The following INTS1 variants were observed in gnomAD, a reference collection of about 807,000 sequenced individuals.
INTS1 encodes integrator complex subunit 1.
In INTS1, 137 loss-of-function variants were observed where a neutral mutation model predicts 241.6. The observed-to-expected ratio is 0.57, with a 90% CI of 0.49 to 0.65. INTS1 has a LOEUF of 0.65. Ranked by LOEUF, INTS1 falls within the 30% of genes least tolerant of loss-of-function variation. The probability of loss-of-function intolerance (pLI) is 0.00; values close to 1 mark genes in which losing one functional copy is unlikely to be tolerated. For missense variants in INTS1, 3,073 were observed against 3,032.2 expected, an observed-to-expected ratio of 1.01 and a Z score of -0.32; for synonymous variants, 1,692 against 1,337.8, an observed-to-expected ratio of 1.26 and a Z score of -5.78.
At position 1,478,896 on chromosome 7, in the gene INTS1, A is replaced by G. The variant is rs764889422; in HGVS notation, c.4330-11T>C. ...CTGTGGCACACAGCGCTGCGGGGAC[A>G]AAGTGGCACGTGGCTACCCTGGCAG... On this transcript the variant is annotated splice_polypyrimidine_tract_variant and intron_variant, in intron 31 of 47. Transcript: ENST00000404767. 1 of 1,589,972 alleles carries G rather than the reference A, an allele frequency of 6.3e-7. No individual in the cohort carries two copies. The highest frequency in any genetic ancestry group is 1.3e-5 in the African/African-American group (1 of 74,534).
In INTS1 at chr7:1,502,898, T is replaced by C. The variant is rs553550858; in HGVS notation, c.349+3A>G. The stretch of plus-strand genomic sequence containing the variant: ...TCTCGGGGGATGTCCACAGACTCAT[T>C]ACCTTCAATTGGCACCACAGATGGC... On this transcript the variant is annotated splice_donor_region_variant and intron_variant, in intron 3 of 47. Transcript: ENST00000404767. 1.9e-6 allele frequency: 3 copies of C among 1,613,516 alleles called. No individual in the cohort carries two copies. Among genetic ancestry groups the C allele is most frequent in the Non-Finnish European group, 2.5e-6 (3 of 1,179,796 alleles).
rs1562502884 is a variant in INTS1 at position 1,486,964 on chromosome 7, GTCC to G, written c.2781_2783del (p.Glu927del). The G allele has an allele frequency of 3.1e-6, 5 of 1,607,830 alleles. No homozygotes were observed. The highest frequency in any genetic ancestry group is 2.5e-6 in the Non-Finnish European group (3 of 1,179,282). On this transcript the variant is annotated inframe_deletion, in exon 21 of 48. Transcript: ENST00000404767. ...TCTGCTCCTTGCTCTCGCCCTCGTC[GTCC>G]TCCTCCCCGGAAGCAGCATCGTCCA...
At chr7:1,478,946 G>C in intron 31 of INTS1, 61 bp from the exon 32 acceptor site, 1 of 1,528,662 alleles carries the variant, frequency 6.5e-7, no homozygotes, top group Non-Finnish European at 8.8e-7. Flanking sequence ...CCCGGCACCC[G>C]AGGCCCAGAG....
chr7:1,472,501 C>T, intron 43 of INTS1, 115 bp from the exon 44 acceptor site: 3 of 688,866 alleles, frequency 4.4e-6, no homozygotes, highest in South Asian at 3.8e-5. Context: ...TCCCAAGGTG[C>T]CTGCACACAG....
chr7:1,482,378 A>G (rs1199630509), intron 27 of INTS1, 168 bp downstream of exon 27: 4 of 611,354 alleles, frequency 6.5e-6, no homozygotes, highest in Admixed American at 6.8e-5. Context: ...CCCAGGGTCC[A>G]GCACAGCCTG....
In INTS1 at chr7:1,493,663, AGCGCCCCAGAGGTGCGT is replaced by A. The variant is rs1782700506; in HGVS notation, c.2068+74_2068+90del. The A allele has an allele frequency of 6.3e-6, 9 of 1,433,382 alleles. No homozygotes were observed. The South Asian group carries it at 1.0e-4, about 16-fold the overall frequency. 88.8% of individuals were successfully genotyped at this position (1,433,382 alleles called of 1,614,324 possible). On this transcript the variant is annotated intron_variant, in intron 15 of 47. Transcript: ENST00000404767. The surrounding 1 kb of genome is among the most constrained non-coding windows in gnomAD (Gnocchi z 5.3). ...ACCCAGCTGAAGCGCAGCTTTGTGG[AGCGCCCCAGAGGTGCGT>A]GCCAGAGCCGGGGTTTCTGCAGGGA... is the stretch of plus-strand genomic sequence containing the variant.
chr7:1,494,968 ACCCCGCTCCCACGGGCC>A lies in INTS1; in HGVS notation c.1833-92_1833-76del, dbSNP rs534801265. On this transcript the variant is annotated intron_variant, in intron 13 of 47. Transcript: ENST00000404767. Reference sequence around the variant, plus strand: ...CAGCCCCGTTAGTTCCAGGGAAGGGACCCCGCTCCCACGGGCCCCAGCGCTCAGAGGCCGGGCTGCCT... The same window carrying A: ...CAGCCCCGTTAGTTCCAGGGAAGGGACCAGCGCTCAGAGGCCGGGCTGCCT... 2.0e-5 allele frequency: 31 copies of A among 1,514,148 alleles called. No individual in the cohort carries two copies. In the African/African-American group the frequency reaches 3.9e-4, roughly 19 times the overall value. 93.8% of individuals were successfully genotyped at this position (1,514,148 alleles called of 1,614,324 possible).
chr7:1,487,877 T>C lies in INTS1; in HGVS notation c.2399A>G (p.Gln800Arg). ...GGCCAGGATCTCCTGCTTCTCCCGCTGGGCGGTCTGCAGCTCACGGTTCAG... is the reference window on the plus strand; with the variant it reads ...GGCCAGGATCTCCTGCTTCTCCCGCCGGGCGGTCTGCAGCTCACGGTTCAG... ...EMLNRELQTA[Q>R]REKQEILAFE... The change falls in exon 19 of 48, where the codon CAG becomes CGG. Residue 800 changes from glutamine to arginine, a missense_variant. Physicochemically the swap from Gln to Arg is conservative, Grantham distance 43. Transcript: ENST00000404767. 2 of 1,613,594 alleles carry C rather than the reference T, an allele frequency of 1.2e-6. No individual in the cohort carries two copies. The highest frequency in any genetic ancestry group is 1.1e-5 in the South Asian group (1 of 91,082).
intron 33 of INTS1, 149 bp downstream of exon 33, chr7:1,478,217 G>A: frequency 1.1e-6 from 1 of 900,358 alleles, no homozygotes; most frequent in South Asian, 1.7e-5. Context: ...GCCCCGCCCT[G>A]AGCCATCTGG....
At position 1,471,630 on chromosome 7, in the gene INTS1, C is replaced by T; in HGVS notation, c.6196G>A (p.Val2066Ile). ...GACATCTCGTCTATGTCACTCAGAA[C>T]CTCCAGCAGATCTGACACAGAGAGA... ...RGQTVEDLLE[V>I]LSDIDEMSRR... Residue 2066 changes from valine to isoleucine, a missense_variant, in exon 45 of 48, where the codon GTT (valine) becomes ATT (isoleucine). Physicochemically the swap from Val to Ile is conservative, Grantham distance 29 (BLOSUM62 3). Coordinates refer to ENST00000404767, the MANE Select transcript of INTS1 (RefSeq NM_001080453.3). 1 of 1,612,328 alleles carries T rather than the reference C, an allele frequency of 6.2e-7. No individual in the cohort carries two copies. Among genetic ancestry groups the T allele is most frequent in the Non-Finnish European group, 8.5e-7 (1 of 1,179,782 alleles).
rs112925067 is a variant in INTS1 at position 1,480,191 on chromosome 7, C to T, written c.4074+126G>A. On this transcript the variant is annotated intron_variant, in intron 30 of 47. Transcript: ENST00000404767. Reference sequence around the variant, plus strand: ...GGTCACGCGTGTAAAGGCCGCTGTGCGTGTGCAGCGTGCCTGGGTCAGGCG... The same window carrying T: ...GGTCACGCGTGTAAAGGCCGCTGTGTGTGTGCAGCGTGCCTGGGTCAGGCG... 4,378 of 1,114,298 alleles carry T rather than the reference C, an allele frequency of 3.9e-3. 94 individuals are homozygous for T. The African/African-American group carries it at 0.052, about 13-fold the overall frequency. The allele number at this position is 1,114,298 out of a possible 1,614,324, so 69.0% of individuals were successfully genotyped here. A position where few individuals can be genotyped will look rare whatever the true frequency, so the allele number is the denominator to read the frequency against.
chr7:1,477,692 T>A lies in INTS1; in HGVS notation c.4815-19A>T. ...CTCCAGGCTGCAGGGAGAAGGTGGCTCAGGGAAGGGCTGGTGCCACCCGCC... is the reference window on the plus strand; with the variant it reads ...CTCCAGGCTGCAGGGAGAAGGTGGCACAGGGAAGGGCTGGTGCCACCCGCC... On this transcript the variant is annotated intron_variant, in intron 34 of 47. Transcript: ENST00000404767. 1 of 1,600,842 alleles carries A rather than the reference T, an allele frequency of 6.2e-7. No homozygotes were observed. The highest frequency in any genetic ancestry group is 2.2e-5 in the East Asian group (1 of 44,564).
intron 8 of INTS1, 41 bp from the exon 9 acceptor site, chr7:1,498,893 C>A: frequency 2.6e-6 from 4 of 1,560,476 alleles, no homozygotes; most frequent in East Asian, 4.7e-5. Flanking sequence ...ACGGCCACCC[C>A]GGCAGGAAGA....
intron 41 of INTS1, among the ~76,000 whole-genome samples, 169 bp downstream of exon 41, chr7:1,473,999 G>A (rs1016721411): frequency 5.3e-5 from 8 of 152,230 alleles, no homozygotes; most frequent in Non-Finnish European, 1.2e-4. Context: ...CACGTGAGGG[G>A]CAGCAGGCAG....
rs190149899 is a variant in INTS1 at position 1,477,590 on chromosome 7, C to A, written c.4898G>T (p.Cys1633Phe). ...EMLDPEVVSS[C>F]PDLQLRLLFS... ...GAGCAGCCTGAGCTGCAGGTCGGGG[C>A]AGCTGCTGACCACCTCGGGGTCCAG... The change falls in exon 35 of 48, where the codon TGC becomes TTC. Residue 1633 changes from cysteine to phenylalanine, a missense_variant. Cys to Phe is a radical substitution (Grantham distance 205, BLOSUM62 -2). Transcript: ENST00000404767. The A allele has an allele frequency of 2.6e-6, 4 of 1,560,224 alleles. No homozygotes were observed. In the Admixed American group the frequency reaches 7.7e-5, roughly 30 times the overall value.
intron 33 of INTS1, among the ~76,000 whole-genome samples, 198 bp from the exon 34 acceptor site, chr7:1,478,134 C>T (rs959765854): frequency 1.3e-5 from 2 of 151,994 alleles, no homozygotes; most frequent in Admixed American, 6.5e-5. Flanking sequence ...CGGCCGGGGC[C>T]GGGGCTCACT....
intron 22 of INTS1, among the ~76,000 whole-genome samples, chr7:1,486,287 T>TG (rs1265790698): frequency 6.6e-6 from 1 of 150,590 alleles, no homozygotes; most frequent in East Asian, 2.0e-4. Flanking sequence ...TTTTTTGAGA[T>TG]GGAGTTTCAC....
At position 1,470,550 on chromosome 7, in the gene INTS1, C is replaced by A. The variant is rs1781407566; in HGVS notation, c.*27G>T. On this transcript the variant is annotated 3_prime_UTR_variant, in exon 48 of 48. Coordinates refer to ENST00000404767, the MANE Select transcript of INTS1 (RefSeq NM_001080453.3). Reference sequence around the variant, plus strand: ...TCCCCGGGGACGGGACGGGCCGGGGCTTGGAGGGGGGTCGGCTGCCACAGG... The same window carrying A: ...TCCCCGGGGACGGGACGGGCCGGGGATTGGAGGGGGGTCGGCTGCCACAGG... The A allele has an allele frequency of 1.3e-6, 2 of 1,502,650 alleles. No homozygotes were observed. Among genetic ancestry groups the A allele is most frequent in the East Asian group, 4.9e-5 (2 of 40,692 alleles). 93.1% of individuals were successfully genotyped at this position (1,502,650 alleles called of 1,614,324 possible).
chr7:1,492,821 G>T (rs1782630691), intron 16 of INTS1, among the ~76,000 whole-genome samples, 189 bp downstream of exon 16: 1 of 151,232 alleles, frequency 6.6e-6, no homozygotes. Context: ...GGGGAGTGGG[G>T]CGCGGGCTTA....
Sources: gnomAD v4.1 joint callset for allele counts (sites outside exome capture counted in the v4.1 genomes callset) on GRCh38, gnomAD v4.1.1 for gene constraint, Gnocchi (gnomAD v3.1) non-coding constraint, MANE v1.5 for transcripts, NCBI Gene and HGNC (gene_info 2026-07-23, HGNC 2026-07-21) for gene names.